Variants in CCDC7 observed in about 807,000 individuals in gnomAD.
The protein encoded by CCDC7 is coiled-coil domain containing 7, also known as coiled-coil domain-containing protein 7.
A neutral mutation model predicts 196.9 loss-of-function variants in CCDC7; 183 were observed. The observed-to-expected ratio is 0.93, with a 90% CI of 0.82 to 1.05. The LOEUF is 1.05. Among genes scored for constraint, CCDC7 ranks in the 50% least tolerant of loss-of-function variants. The pLI, the probability that CCDC7 is intolerant of heterozygous loss-of-function variation, is 0.00. For missense variants in CCDC7, 1,540 were observed against 1,482.2 expected (o/e 1.04, Z -0.64); for synonymous variants, 525 against 484.6 (o/e 1.08, Z -1.10).
At chr10:32,458,438 G>C (rs1398975286) in intron 3 of CCDC7, among the ~76,000 whole-genome samples, 2 of 147,564 alleles carry the variant, frequency 1.4e-5, no homozygotes, top group East Asian at 4.0e-4. Context: ...GCTTTGAAGA[G>C]TATGTTGTGT....
intron 41 of CCDC7, among the ~76,000 whole-genome samples, chr10:32,861,438 CTT>C (rs2093980226): frequency 6.6e-6 from 1 of 152,108 alleles, no homozygotes; most frequent in South Asian, 2.1e-4. Context: ...GGATTAAAGA[CTT>C]AAACGTAAGA....
chr10:32,483,187 C>T (rs1589033091), intron 8 of CCDC7, among the ~76,000 whole-genome samples: 3 of 152,272 alleles, frequency 2.0e-5, no homozygotes, highest in Admixed American at 2.0e-4. Flanking sequence ...TAATGATCAC[C>T]ATTCTAACTG....
At chr10:32,453,461 G>A in intron 2 of CCDC7, 25 bp downstream of exon 3, 1 of 1,420,920 alleles carries the variant, frequency 7.0e-7, no homozygotes, top group Non-Finnish European at 9.3e-7. Context: ...CCCTAATATA[G>A]AGACATTAAC....
intron 11 of CCDC7, among the ~76,000 whole-genome samples, chr10:32,520,323 A>G (rs912211395): frequency 1.3e-5 from 2 of 152,118 alleles, no homozygotes; most frequent in Non-Finnish European, 2.9e-5. Context: ...TTACTAATTC[A>G]CATTCTCACC....
chr10:32,686,533 G>A (rs925133149), intron 22 of CCDC7, among the ~76,000 whole-genome samples: 5 of 152,204 alleles, frequency 3.3e-5, no homozygotes, highest in Non-Finnish European at 7.3e-5. Flanking sequence ...GGATGGACTC[G>A]AGGGCATTCT....
At chr10:32,700,172 G>T (rs2141482138) in intron 24 of CCDC7, among the ~76,000 whole-genome samples, 1 of 149,512 alleles carries the variant, frequency 6.7e-6, no homozygotes, top group South Asian at 2.1e-4. Context: ...TTCTTCTAGG[G>T]TTTTTATGGT....
intron 18 of CCDC7, among the ~76,000 whole-genome samples, chr10:32,587,826 T>C (rs931876328): frequency 6.6e-6 from 1 of 152,200 alleles, no homozygotes; most frequent in South Asian, 2.1e-4. Context: ...GACATCCTCA[T>C]TTTTTCCTTA....
intron 20 of CCDC7, among the ~76,000 whole-genome samples, chr10:32,647,574 A>G (rs2140074754): frequency 6.6e-6 from 1 of 152,116 alleles, no homozygotes; most frequent in Admixed American, 6.5e-5. Context: ...GACTTGCATT[A>G]CTCTAATAAT....
intron 25 of CCDC7, among the ~76,000 whole-genome samples, chr10:32,723,695 AC>A (rs1397669253): frequency 6.6e-6 from 1 of 151,830 alleles, no homozygotes; most frequent in East Asian, 1.9e-4. Flanking sequence ...ATAATGATAC[AC>A]CCCACAAGAT....
chr10:32,770,242 T>C (rs2078969044), intron 28 of CCDC7, among the ~76,000 whole-genome samples: 1 of 152,196 alleles, frequency 6.6e-6, no homozygotes, highest in Non-Finnish European at 1.5e-5. Flanking sequence ...ATTTATTTGA[T>C]GTAGGCATTT....
intron 11 of CCDC7, among the ~76,000 whole-genome samples, chr10:32,529,550 T>C (rs1375649804): frequency 6.6e-6 from 1 of 152,232 alleles, no homozygotes; most frequent in Non-Finnish European, 1.5e-5. Flanking sequence ...TTTATGTTTA[T>C]TGGCCATTTG....
chr10:32,861,639 C>T (rs1043705090), intron 41 of CCDC7, among the ~76,000 whole-genome samples: 4 of 152,134 alleles, frequency 2.6e-5, no homozygotes, highest in Non-Finnish European at 5.9e-5. Context: ...AGGCAACCTA[C>T]AGAATGGGAG....
At chr10:32,545,495 GC>G (rs1018179832) in intron 13 of CCDC7, among the ~76,000 whole-genome samples, 1 of 152,122 alleles carries the variant, frequency 6.6e-6, no homozygotes, top group Non-Finnish European at 1.5e-5. Flanking sequence ...GGGAATTCTG[GC>G]AATTTTCCTT....
At chr10:32,482,808 TC>T (rs2040235573) in intron 8 of CCDC7, among the ~76,000 whole-genome samples, 2 of 152,182 alleles carry the variant, frequency 1.3e-5, no homozygotes, top group Admixed American at 1.3e-4. Context: ...TTCATCCATG[TC>T]CCTACAAAGG....
chr10:32,507,474 G>A (rs2045382031), intron 9 of CCDC7, among the ~76,000 whole-genome samples: 3 of 151,090 alleles, frequency 2.0e-5, no homozygotes. Context: ...TTTTTGAGTT[G>A]GATTCTCACT....
exon 5 of CCDC7, chr10:32,463,049 A>C (rs769816144): frequency 6.2e-7 from 1 of 1,613,458 alleles, no homozygotes; most frequent in Non-Finnish European, 8.5e-7. Context: ...AGATGGAAGA[A>C]GTAAGTCTAA....
At chr10:32,764,714 A>C (rs760479888) in intron 28 of CCDC7, among the ~76,000 whole-genome samples, 17 of 152,022 alleles carry the variant, frequency 1.1e-4, no homozygotes, top group Non-Finnish European at 1.5e-4. Context: ...AACTGTGAGA[A>C]ATGTGAAGAC....
intron 28 of CCDC7, among the ~76,000 whole-genome samples, chr10:32,755,742 G>A (rs979164586): frequency 6.6e-6 from 1 of 152,092 alleles, no homozygotes; most frequent in African/African-American, 2.4e-5. Context: ...GAACAAAGCT[G>A]GACGGAGAAT....
At chr10:32,557,322 G>A (rs566193687) in intron 13 of CCDC7, among the ~76,000 whole-genome samples, 7 of 148,232 alleles carry the variant, frequency 4.7e-5, no homozygotes, top group African/African-American at 9.9e-5. Context: ...TTTGTTTTAC[G>A]TGAGCATGAT....
Sources: gnomAD v4.1 joint callset for allele counts (sites outside exome capture counted in the v4.1 genomes callset) on GRCh38, gnomAD v4.1.1 for gene constraint, MANE v1.5 for transcripts, NCBI Gene and HGNC (gene_info 2026-07-23, HGNC 2026-07-21) for gene names.